The following ABCA3 variants were observed in gnomAD, a reference collection of about 807,000 sequenced individuals.
ABCA3 encodes phospholipid-transporting ATPase ABCA3.
A neutral mutation model predicts 172.8 loss-of-function variants in ABCA3; 88 were observed. The ratio of observed to expected loss-of-function variants is 0.51; its 90% CI spans 0.43 to 0.61. The LOEUF (loss-of-function observed/expected upper bound fraction) is 0.61, where lower values mean the gene tolerates loss of function less well. Among genes scored for constraint, ABCA3 ranks in the 20% least tolerant of loss-of-function variants. The pLI, the probability that ABCA3 is intolerant of heterozygous loss-of-function variation, is 0.00. For missense variants in ABCA3, 2,164 were observed against 2,301.0 expected (o/e 0.94, Z 1.22); for synonymous variants, 1,066 against 983.8 (o/e 1.08, Z -1.56).
Position 2,283,461 on chromosome 16 carries a change from T to G in ABCA3, c.3863-103A>C. 1 of 1,346,354 alleles carries G rather than the reference T, an allele frequency of 7.4e-7. No homozygotes were observed. The highest frequency in any genetic ancestry group is 1.0e-6 in the Non-Finnish European group (1 of 978,690). The allele number at this position is 1,346,354 out of a possible 1,614,324, so 83.4% of individuals were successfully genotyped here. A position where few individuals can be genotyped will look rare whatever the true frequency, so the allele number is the denominator to read the frequency against. On this transcript the variant is annotated intron_variant, in intron 25 of 32. Transcript: ENST00000301732. This position sits in a 1 kb window ranked among gnomAD's most constrained non-coding sequence, Gnocchi z 5.4. ...CTCCCCAGGCTGCTCAAGGCGCCTG[T>G]AACAATGTCCCCTCCATGGGGAGAT...
At chr16:2,292,594 G>A (rs899801707) in intron 18 of ABCA3, among the ~76,000 whole-genome samples, 2 of 151,662 alleles carry the variant, frequency 1.3e-5, no homozygotes, top group African/African-American at 4.8e-5. Context: ...GTGAAACTCT[G>A]TCTCAAAAAA....
rs529995285 is a variant in ABCA3 at position 2,285,264 on chromosome 16, C to T, written c.3483+178G>A. ...GCTGCCCATGCATGGAGGGTAAAGG[C>T]TGAGGGTGCAGGGAGGAGGCGAGGG... On this transcript the variant is annotated intron_variant, in intron 23 of 32. Coordinates refer to ENST00000301732, the MANE Select transcript of ABCA3 (RefSeq NM_001089.3). The surrounding 1 kb of genome is among the most constrained non-coding windows in gnomAD (Gnocchi z 4.7). Among the ~76,000 whole-genome samples, 17 of 152,316 alleles carry T rather than the reference C, an allele frequency of 1.1e-4. No homozygotes were observed. In the South Asian group the frequency reaches 3.5e-3, roughly 32 times the overall value.
In ABCA3 at chr16:2,336,431, C is replaced by CT. The variant is rs112497349; in HGVS notation, c.-539+4141dup. Reference sequence around the variant, plus strand: ...TAACTAGGGCCTGAAATATACAGAACTTTTTTTTTTTTTTTTGAGACAGAG... The same window carrying CT: ...TAACTAGGGCCTGAAATATACAGAACTTTTTTTTTTTTTTTTTGAGACAGAG... On this transcript the variant is annotated intron_variant, in intron 1 of 32. Coordinates refer to ENST00000301732, the MANE Select transcript of ABCA3 (RefSeq NM_001089.3). Among the ~76,000 whole-genome samples the CT allele has an allele frequency of 2.0e-3, 283 of 139,736 alleles. 1 individual carries two copies. The highest frequency in any genetic ancestry group is 3.7e-3 in the Middle Eastern group (1 of 268). 91.7% of individuals were successfully genotyped at this position (139,736 alleles called of 152,430 possible). A position where few individuals can be genotyped will look rare whatever the true frequency, so the allele number is the denominator to read the frequency against.
In ABCA3 at chr16:2,277,652, T is replaced by G. The variant is rs2093648537; in HGVS notation, c.4928A>C (p.Glu1643Ala). ...LTFPGSVLEDEHQGMVHYHLP... is the reference protein window; with the variant it reads ...LTFPGSVLEDAHQGMVHYHLP... ...GTGGTAATGGACCATGCCTTGGTGC[T>G]CATCTTCCAGGACGCTGCCTGCACA... Residue 1643 changes from glutamate to alanine, a missense_variant, in exon 32 of 33, where the codon GAG becomes GCG. Glu to Ala is a moderately radical substitution (Grantham distance 107, BLOSUM62 -1). Around this residue, in one of 3 missense-constraint regions of ABCA3, gnomAD observed 795 missense variants for 881.9 expected, o/e 0.90. Coordinates refer to ENST00000301732, the MANE Select transcript of ABCA3 (RefSeq NM_001089.3). The surrounding 1 kb of genome is among the most constrained non-coding windows in gnomAD (Gnocchi z 5.3). The G allele has an allele frequency of 1.9e-6, 3 of 1,613,080 alleles. No individual in the cohort carries two copies. Among genetic ancestry groups the G allele is most frequent in the Middle Eastern group, 3.3e-4 (2 of 6,084 alleles).
At chr16:2,314,005 G>A (rs976737980) in intron 10 of ABCA3, among the ~76,000 whole-genome samples, 2 of 152,176 alleles carry the variant, frequency 1.3e-5, no homozygotes, top group Non-Finnish European at 1.5e-5. Context: ...TGTTCACGAG[G>A]ATGCAGGAGA....
intron 14 of ABCA3, among the ~76,000 whole-genome samples, chr16:2,298,859 G>C (rs2093684391): frequency 6.6e-6 from 1 of 152,208 alleles, no homozygotes; most frequent in Non-Finnish European, 1.5e-5. Context: ...TTGGTGCTTG[G>C]GGAAGACAGA....
chr16:2,284,310 G>A lies in ABCA3; in HGVS notation c.3831C>T (p.Ser1277=), dbSNP rs781697167. 21 of 1,613,672 alleles carry A rather than the reference G, an allele frequency of 1.3e-5. No individual in the cohort carries two copies. Among genetic ancestry groups the A allele is most frequent in the Middle Eastern group, 3.3e-4 (2 of 6,078 alleles). The change falls in exon 25 of 33, where the codon TCC becomes TCT. Residue 1277 remains serine (S), a synonymous_variant. Coordinates refer to ENST00000301732, the MANE Select transcript of ABCA3 (RefSeq NM_001089.3). The surrounding 1 kb of genome is among the most constrained non-coding windows in gnomAD (Gnocchi z 5.9). ...TCTTGCAGTAGTGGGCGGCGACCTC[G>A]GAGGAGGTGCAGTACCTCCGCGTCT... The part of the protein sequence containing the change: ...NYETRRYCTS[S]EVAAHYCKKY...
chr16:2,328,981 A>G (rs1380224321), intron 2 of ABCA3, among the ~76,000 whole-genome samples: 1 of 148,660 alleles, frequency 6.7e-6, no homozygotes, highest in East Asian at 1.9e-4. Flanking sequence ...GGCTCTTTTT[A>G]AATTAAAACT....
intron 19 of ABCA3, among the ~76,000 whole-genome samples, chr16:2,290,069 C>T (rs747238377): frequency 2.6e-5 from 4 of 152,062 alleles, no homozygotes; most frequent in African/African-American, 4.8e-5. Context: ...AGGCACCCCC[C>T]GGCTGGCTTA....
chr16:2,335,175 T>C (rs1478293657), intron 1 of ABCA3, among the ~76,000 whole-genome samples: 4 of 152,130 alleles, frequency 2.6e-5, no homozygotes, highest in Non-Finnish European at 4.4e-5. Context: ...TTATAGAGTA[T>C]GGTCCTCACC....
At chr16:2,289,961 TCACACACACACACACACACA>T (rs3138606) in intron 19 of ABCA3, among the ~76,000 whole-genome samples, 3 of 138,210 alleles carry the variant, frequency 2.2e-5, no homozygotes, top group East Asian at 4.3e-4. Flanking sequence ...GTGAATTACA[TCACACACACACACACACACA>T]CACACACACA....
intron 1 of ABCA3, among the ~76,000 whole-genome samples, chr16:2,336,732 G>A (rs571295400): frequency 3.9e-4 from 59 of 150,910 alleles, no homozygotes; most frequent in Admixed American, 1.3e-3. Flanking sequence ...GAGCCACCTC[G>A]TCTGGCCAAT....
intron 17 of ABCA3, among the ~76,000 whole-genome samples, 188 bp from the exon 18 acceptor site, chr16:2,295,928 G>A (rs527814966): frequency 6.6e-6 from 1 of 152,304 alleles, no homozygotes; most frequent in South Asian, 2.1e-4. Flanking sequence ...GTCACCTCCC[G>A]CTCCTGCTGG....
chr16:2,299,058 T>G (rs56149380), intron 14 of ABCA3, among the ~76,000 whole-genome samples: 3 of 91,834 alleles, frequency 3.3e-5, no homozygotes, highest in Non-Finnish European at 7.1e-5. Context: ...CCTGCATTCA[T>G]GGACAGAGGC....
At chr16:2,330,579 C>G (rs1180010587) in intron 1 of ABCA3, among the ~76,000 whole-genome samples, 2 of 152,062 alleles carry the variant, frequency 1.3e-5, no homozygotes, top group South Asian at 2.1e-4. Flanking sequence ...CTTGGCCTCT[C>G]ACAGTGTTGG....
At chr16:2,332,230 TTTC>T (rs2093744364) in intron 1 of ABCA3, 2 of 430,514 alleles carry the variant, frequency 4.6e-6, no homozygotes, top group Non-Finnish European at 8.4e-6. Flanking sequence ...AACTCCTCCA[TTTC>T]TTTTTTTTTT....
At chr16:2,311,718 C>T (rs1018533661) in intron 10 of ABCA3, among the ~76,000 whole-genome samples, 22 of 152,148 alleles carry the variant, frequency 1.4e-4, no homozygotes, top group Non-Finnish European at 1.3e-4. Flanking sequence ...GACGGGGTTT[C>T]ACCATCTTGG....
intron 1 of ABCA3, among the ~76,000 whole-genome samples, chr16:2,337,810 G>A (rs574991370): frequency 1.1e-4 from 17 of 152,354 alleles, no homozygotes; most frequent in African/African-American, 4.1e-4. Context: ...CGCAGGCCCT[G>A]ATGGAGCCCT....
At position 2,314,458 on chromosome 16, in the gene ABCA3, G is replaced by C. The variant is rs557684407; in HGVS notation, c.1111+2825C>G. Among the ~76,000 whole-genome samples, 3 of 152,188 alleles carry C rather than the reference G, an allele frequency of 2.0e-5. No homozygotes were observed. The East Asian group carries it at 5.8e-4, about 29-fold the overall frequency. ...AGTAGGGTGCTGGTTTCCAGGGAAG[G>C]GGGGTGGGGGAGTCAGTGTTTCACA... On this transcript the variant is annotated intron_variant, in intron 10 of 32. Coordinates refer to ENST00000301732, the MANE Select transcript of ABCA3 (RefSeq NM_001089.3).
Sources: allele counts gnomAD v4.1 joint callset (sites outside exome capture counted in the v4.1 genomes callset), GRCh38; gene constraint gnomAD v4.1.1; regional missense constraint gnomAD v4.1.1; non-coding constraint Gnocchi (gnomAD v3.1); transcripts MANE v1.5; gene names NCBI Gene and HGNC (gene_info 2026-07-23, HGNC 2026-07-21).